The following DCUN1D4 variants were observed in gnomAD, a reference collection of about 807,000 sequenced individuals.
The protein encoded by DCUN1D4 is defective in cullin neddylation 1 domain containing 4.
In DCUN1D4, 22 loss-of-function variants were observed where a neutral mutation model predicts 47.9. The observed-to-expected ratio is 0.46, with a 90% CI of 0.33 to 0.66. DCUN1D4 has a LOEUF of 0.66. Ranked by LOEUF, DCUN1D4 falls within the 30% of genes least tolerant of loss-of-function variation. The pLI is 0.02. For missense variants in DCUN1D4, 301 were observed against 340.8 expected (o/e 0.88, Z 0.92); for synonymous variants, 121 against 112.2 (o/e 1.08, Z -0.50).
chr4:51,864,805 T>G (rs1189541030), intron 3 of DCUN1D4, among the ~76,000 whole-genome samples: 1 of 152,254 alleles, frequency 6.6e-6, no homozygotes, highest in East Asian at 1.9e-4. Context: ...GCACAAACTT[T>G]CAGGCCATAG....
chr4:51,888,154 G>A (rs1402603755), intron 6 of DCUN1D4, among the ~76,000 whole-genome samples: 1 of 152,110 alleles, frequency 6.6e-6, no homozygotes, highest in African/African-American at 2.4e-5. Flanking sequence ...GGCTCCGGAG[G>A]TTCCACATGG....
intron 8 of DCUN1D4, among the ~76,000 whole-genome samples, chr4:51,903,596 T>C (rs1031336674): frequency 6.6e-6 from 1 of 152,196 alleles, no homozygotes; most frequent in East Asian, 1.9e-4. Context: ...CTGTTCTGTC[T>C]CTGCTCTTCT....
rs1188623549 is a variant in DCUN1D4, at chr4:51,914,694, C to G, written c.*1110C>G. ...CAGCATTGAGCTAACCCAGTACATGCTAGGACCTGTCCTAGAGGGGCCACT... is the reference window on the plus strand; with the variant it reads ...CAGCATTGAGCTAACCCAGTACATGGTAGGACCTGTCCTAGAGGGGCCACT... On this transcript the variant is annotated 3_prime_UTR_variant, in exon 11 of 11. Coordinates refer to ENST00000334635, the MANE Select transcript of DCUN1D4 (RefSeq NM_001040402.3). The G allele has an allele frequency of 6.6e-6, 1 of 152,462 alleles. No homozygotes were observed. Among genetic ancestry groups the G allele is most frequent in the Non-Finnish European group, 1.5e-5 (1 of 68,010 alleles). The allele number at this position is 152,462 out of a possible 1,614,324, so 9.4% of individuals were successfully genotyped here.
chr4:51,847,136 A>G (rs1358478710), intron 1 of DCUN1D4, among the ~76,000 whole-genome samples: 1 of 152,180 alleles, frequency 6.6e-6, no homozygotes, highest in Non-Finnish European at 1.5e-5. Context: ...AAGGGTGAGA[A>G]GAATGCGCTG....
rs1731584842 is a variant in DCUN1D4 at position 51,898,356 on chromosome 4, CA to C, written c.507-913del. Among the ~76,000 whole-genome samples the C allele has an allele frequency of 2.6e-5, 4 of 152,084 alleles. No homozygotes were observed. In the South Asian group the frequency reaches 8.3e-4, roughly 32 times the overall value. On this transcript the variant is annotated intron_variant, in intron 7 of 10. Transcript: ENST00000334635. Reference sequence around the variant, plus strand: ...GGAGTGTAAGAAGGGGACCTTGTGGCAGGGGGGCAGACTTACCGCTAGTGGA... The same window carrying C: ...GGAGTGTAAGAAGGGGACCTTGTGGCGGGGGGCAGACTTACCGCTAGTGGA...
chr4:51,899,507 G>T, intron 8 of DCUN1D4, 129 bp downstream of exon 8: 2 of 1,465,374 alleles, frequency 1.4e-6, no homozygotes, highest in Non-Finnish European at 1.8e-6. Context: ...ATGCTAGTTA[G>T]TATTTCTTTC....
chr4:51,860,459 C>T (rs772740060), intron 1 of DCUN1D4: 29 of 382,970 alleles, frequency 7.6e-5, no homozygotes, highest in Non-Finnish European at 1.5e-4. Flanking sequence ...AGTCGCAGTG[C>T]CATTCTTGCA....
chr4:51,835,905 T>C, the DCUN1D4 span, among the ~76,000 whole-genome samples: 6 of 152,166 alleles, frequency 3.9e-5, no homozygotes, highest in Non-Finnish European at 8.8e-5. Flanking sequence ...TTCTCCTCTC[T>C]TGCTTCATGT....
At chr4:51,837,383 T>G in the DCUN1D4 span, among the ~76,000 whole-genome samples, 2 of 152,188 alleles carry the variant, frequency 1.3e-5, no homozygotes, top group Admixed American at 1.3e-4. Flanking sequence ...TTAAGAAATC[T>G]TAGGCCGGGC....
intron 1 of DCUN1D4, among the ~76,000 whole-genome samples, chr4:51,850,594 C>G (rs922466301): frequency 1.3e-5 from 2 of 152,184 alleles, no homozygotes; most frequent in African/African-American, 4.8e-5. Flanking sequence ...TATTGGGTAT[C>G]TACTATGTAC....
intron 1 of DCUN1D4, among the ~76,000 whole-genome samples, chr4:51,851,223 G>A (rs1027645651): frequency 7.2e-5 from 11 of 152,148 alleles, no homozygotes; most frequent in African/African-American, 1.9e-4. Flanking sequence ...GGGGGAGACC[G>A]GGGCTTCAGG....
chr4:51,907,304 C>T (rs1733041175), intron 8 of DCUN1D4, among the ~76,000 whole-genome samples: 1 of 152,152 alleles, frequency 6.6e-6, no homozygotes, highest in African/African-American at 2.4e-5. Flanking sequence ...TAGCTAAGTT[C>T]TAAGAGCACA....
intron 8 of DCUN1D4, among the ~76,000 whole-genome samples, chr4:51,904,555 TG>T (rs1157153834): frequency 6.6e-6 from 1 of 152,216 alleles, no homozygotes; most frequent in African/African-American, 2.4e-5. Context: ...GGCTCAGTTT[TG>T]GGTTCCCCCT....
At chr4:51,909,924 C>T (rs1379854470) in intron 8 of DCUN1D4, among the ~76,000 whole-genome samples, 1 of 152,140 alleles carries the variant, frequency 6.6e-6, no homozygotes. Flanking sequence ...AGTCCCAATT[C>T]AGGGTCATGG....
intron 2 of DCUN1D4, 78 bp from the exon 3 acceptor site, chr4:51,863,592 A>G (rs958413411): frequency 5.7e-6 from 9 of 1,577,994 alleles, no homozygotes; most frequent in African/African-American, 4.1e-5. Context: ...TTTAGATTCT[A>G]GATATTAGGA....
At chr4:51,843,913 G>A (rs1188700176) in intron 1 of DCUN1D4, among the ~76,000 whole-genome samples, 2 of 149,732 alleles carry the variant, frequency 1.3e-5, no homozygotes, top group East Asian at 4.1e-4. Flanking sequence ...CGAGGTGGTG[G>A]GAGGGACTGG....
chr4:51,900,506 G>A (rs1288910637), intron 8 of DCUN1D4, among the ~76,000 whole-genome samples: 1 of 152,100 alleles, frequency 6.6e-6, no homozygotes, highest in Non-Finnish European at 1.5e-5. Flanking sequence ...GGCTGAGGCA[G>A]AAAGATCACT....
intron 9 of DCUN1D4, among the ~76,000 whole-genome samples, chr4:51,911,758 C>G (rs1311960385): frequency 6.6e-6 from 1 of 152,126 alleles, no homozygotes; most frequent in Non-Finnish European, 1.5e-5. Flanking sequence ...TATTGATGAT[C>G]AGAAATTCTG....
At chr4:51,849,404 T>C (rs930121462) in intron 1 of DCUN1D4, among the ~76,000 whole-genome samples, 11 of 152,202 alleles carry the variant, frequency 7.2e-5, no homozygotes, top group Admixed American at 1.3e-4. Context: ...CTCCCCTTTT[T>C]TTAAATCACT....
Sources: gnomAD v4.1 joint callset for allele counts (sites outside exome capture counted in the v4.1 genomes callset) on GRCh38, gnomAD v4.1.1 for gene constraint, MANE v1.5 for transcripts, NCBI Gene and HGNC (gene_info 2026-07-23, HGNC 2026-07-21) for gene names.